Variants in SPDYE4 observed in about 807,000 individuals in gnomAD.
SPDYE4 encodes speedy/RINGO cell cycle regulator family member E4.
A neutral mutation model predicts 37.5 loss-of-function variants in SPDYE4; 30 were observed. The ratio of observed to expected loss-of-function variants is 0.80; its 90% CI spans 0.60 to 1.09. The LOEUF (loss-of-function observed/expected upper bound fraction) is 1.09. SPDYE4 is among the 50% of genes least tolerant of loss of function. SPDYE4 has a pLI of 0.00. For synonymous variants in SPDYE4, 131 were observed against 120.3 expected, an observed-to-expected ratio of 1.09 and a Z score of -0.58; for missense variants, 300 against 307.9, an observed-to-expected ratio of 0.97 and a Z score of 0.19.
chr17:8,749,220 G>A (rs571392977), downstream of SPDYE4, among the ~76,000 whole-genome samples: 2 of 151,430 alleles, frequency 1.3e-5, no homozygotes, highest in Admixed American at 1.3e-4. Flanking sequence ...AGCCTCCTGG[G>A]TAGCTGGGAC....
At position 8,758,321 on chromosome 17, in the gene SPDYE4, A is replaced by G; in HGVS notation, c.62T>C (p.Val21Ala). The part of the protein sequence containing the change: ...EEESPQPSTT[V>A]RSPEVVVDDE... ...ATCCACCACCACCTCGGGGGACCGT[A>G]CCGTTGTGCTAGGCTGGGGGCTCTC... The change falls in exon 1 of 7, where the codon GTA becomes GCA. Residue 21 changes from valine (V) to alanine (A), a missense_variant. Physicochemically the swap from Val to Ala is moderately conservative, Grantham distance 64. Transcript: ENST00000689094. 6.4e-7 allele frequency: 1 copy of G among 1,550,608 alleles called. No individual in the cohort carries two copies. Among genetic ancestry groups the G allele is most frequent in the African/African-American group, 1.4e-5 (1 of 72,846 alleles).
intron 4 of SPDYE4, among the ~76,000 whole-genome samples, chr17:8,754,546 G>A (rs2086756000): frequency 1.3e-5 from 2 of 152,182 alleles, no homozygotes. Flanking sequence ...CTGCACTCCA[G>A]CCTGAGGGAC....
In SPDYE4 at chr17:8,757,362, G is replaced by C. The variant is rs1442650053; in HGVS notation, c.240C>G (p.Thr80=). Residue 80 remains threonine, a synonymous_variant, in exon 2 of 7, where the codon ACC becomes ACG. Transcript: ENST00000689094. ...ELERAPEPED[T]WVVETLCGLK... is the part of the protein sequence containing the mutation. ...GCCCACACAGCGTCTCCACCACCCAGGTGTCCTCGGGCTCAGGGGCGCGCT... is the reference window on the plus strand; with the variant it reads ...GCCCACACAGCGTCTCCACCACCCACGTGTCCTCGGGCTCAGGGGCGCGCT... 1 of 1,598,252 alleles carries C rather than the reference G, an allele frequency of 6.3e-7. No individual in the cohort carries two copies. Among genetic ancestry groups the C allele is most frequent in the African/African-American group, 1.3e-5 (1 of 74,698 alleles).
In SPDYE4 at chr17:8,758,483, C is replaced by G. The variant is rs2086793979; in HGVS notation, c.-101G>C. On this transcript the variant is annotated 5_prime_UTR_variant, in exon 1 of 7. Coordinates refer to ENST00000689094, the MANE Select transcript of SPDYE4 (RefSeq NM_001394956.1). Reference sequence around the variant, plus strand: ...TTAGGACCCAGAAGAGTGCGTTTCTCTTCTAGAGGCTCGGGAGAAGTTAGG... The same window carrying G: ...TTAGGACCCAGAAGAGTGCGTTTCTGTTCTAGAGGCTCGGGAGAAGTTAGG... 5.4e-6 allele frequency: 6 copies of G among 1,119,920 alleles called. No homozygotes were observed. In the Admixed American group the frequency reaches 1.1e-4, roughly 20 times the overall value. 69.4% of individuals were successfully genotyped at this position (1,119,920 alleles called of 1,614,324 possible). A position where few individuals can be genotyped will look rare whatever the true frequency, so the allele number is the denominator to read the frequency against.
intron 1 of SPDYE4, 128 bp from the exon 2 acceptor site, chr17:8,757,620 T>C: frequency 1.1e-6 from 1 of 910,686 alleles, no homozygotes; most frequent in South Asian, 1.8e-5. Context: ...CTCCAAGCCA[T>C]GTTTCCACCT....
chr17:8,747,778 T>G (rs1182447818), downstream of SPDYE4, among the ~76,000 whole-genome samples: 2 of 152,242 alleles, frequency 1.3e-5, no homozygotes, highest in Admixed American at 6.5e-5. Flanking sequence ...TCCTCACTGC[T>G]GTGAACTGAA....
Position 8,757,467 on chromosome 17 carries a change from C to T in SPDYE4, c.135G>A (p.Gln45=), listed in dbSNP as rs745346582. The T allele has an allele frequency of 5.6e-6, 9 of 1,606,686 alleles. No homozygotes were observed. Among genetic ancestry groups the T allele is most frequent in the South Asian group, 5.6e-5 (5 of 89,704 alleles). The change falls in exon 2 of 7, where the codon CAG becomes CAA. Residue 45 remains glutamine (Q), a synonymous_variant. Coordinates refer to ENST00000689094, the MANE Select transcript of SPDYE4 (RefSeq NM_001394956.1). ...PSAPWIDPSP[Q]PQSLGLKRKS... is the part of the protein sequence containing the mutation. ...TCCTTTTCAGGCCAAGGGATTGAGG[C>T]TGGGGGCTGGGATCTATCCAAGGGG...
chr17:8,754,079 C>G (rs777674732), intron 4 of SPDYE4, among the ~76,000 whole-genome samples: 9 of 152,192 alleles, frequency 5.9e-5, no homozygotes, highest in African/African-American at 9.7e-5. Context: ...ATTCAACAAG[C>G]ATTGCTGTGA....
downstream of SPDYE4, among the ~76,000 whole-genome samples, chr17:8,749,081 C>G (rs2086709213): frequency 6.9e-6 from 1 of 144,024 alleles, no homozygotes; most frequent in South Asian, 2.3e-4. Context: ...ACCTGCAGTC[C>G]CCAAGAATGT....
chr17:8,757,695 A>G (rs540252969), intron 1 of SPDYE4, among the ~76,000 whole-genome samples: 1 of 151,908 alleles, frequency 6.6e-6, no homozygotes, highest in South Asian at 2.1e-4. Flanking sequence ...CTCTGTCCTC[A>G]AAACATTTCC....
At chr17:8,758,144 T>C in intron 1 of SPDYE4, 130 bp downstream of exon 1, 1 of 757,930 alleles carries the variant, frequency 1.3e-6, no homozygotes, top group East Asian at 2.8e-5. Flanking sequence ...CCTTCCCCGA[T>C]CCCTGGCTTC....
chr17:8,753,521 G>A (rs757161745), intron 4 of SPDYE4, 32 bp from the exon 5 acceptor site: 2 of 1,609,816 alleles, frequency 1.2e-6, no homozygotes, highest in Non-Finnish European at 1.7e-6. Context: ...CTGCTCAGGG[G>A]CCCCACCAGG....
chr17:8,755,384 G>A, intron 4 of SPDYE4, 136 bp downstream of exon 4: 2 of 1,113,390 alleles, frequency 1.8e-6, no homozygotes, highest in South Asian at 1.5e-5. Flanking sequence ...GAACACCATA[G>A]TATAATCTTA....
At chr17:8,753,223 A>C in intron 5 of SPDYE4, 26 bp from the exon 6 acceptor site, 1 of 1,613,994 alleles carries the variant, frequency 6.2e-7, no homozygotes. Flanking sequence ...CCACTTGAGA[A>C]GCCAGGGATT....
downstream of SPDYE4, among the ~76,000 whole-genome samples, chr17:8,748,393 G>C (rs1270116709): frequency 1.3e-5 from 2 of 152,232 alleles, no homozygotes; most frequent in Admixed American, 6.5e-5. Context: ...CTGGCACCTT[G>C]ATCTTGGACT....
At chr17:8,752,977 G>A (rs117790706) in intron 6 of SPDYE4, 117 bp downstream of exon 6, 34,500 of 893,354 alleles carry the variant, frequency 0.039, 811 homozygotes, top group Middle Eastern at 0.076. Flanking sequence ...TTGTATTTTT[G>A]TGGAGACGGG....
chr17:8,750,337 C>T (rs897778110), downstream of SPDYE4, among the ~76,000 whole-genome samples: 39 of 150,860 alleles, frequency 2.6e-4, no homozygotes, highest in Admixed American at 7.3e-4. Context: ...TGCAGTGAGC[C>T]GAGATTGAGC....
rs955346431 is a variant in SPDYE4 at position 8,752,180 on chromosome 17, C to A, written c.*102G>T. On this transcript the variant is annotated 3_prime_UTR_variant, in exon 7 of 7. Coordinates refer to ENST00000689094, the MANE Select transcript of SPDYE4 (RefSeq NM_001394956.1). ...TCCTCTCTCCCTTCCTGGTGTCTGG[C>A]ATTAGCGTCGCGATAAACTTCCTGC... Among the ~76,000 whole-genome samples, 2 of 152,154 alleles carry A rather than the reference C, an allele frequency of 1.3e-5. No homozygotes were observed. The highest frequency in any genetic ancestry group is 2.9e-5 in the Non-Finnish European group (2 of 68,026).
intron 3 of SPDYE4, 88 bp from the exon 4 acceptor site, chr17:8,755,693 G>A: frequency 6.7e-7 from 1 of 1,490,296 alleles, no homozygotes; most frequent in Non-Finnish European, 9.3e-7. Flanking sequence ...AGGGGCTGGG[G>A]CGCGGTTGTC....
Sources: gnomAD v4.1 joint callset for allele counts (sites outside exome capture counted in the v4.1 genomes callset) on GRCh38, gnomAD v4.1.1 for gene constraint, MANE v1.5 for transcripts, NCBI Gene and HGNC (gene_info 2026-07-23, HGNC 2026-07-21) for gene names.